The following FCSK variants were observed in gnomAD, a reference collection of about 807,000 sequenced individuals.
The protein encoded by FCSK is fucose kinase, also known as L-fucose kinase.
In FCSK, 123 loss-of-function variants were observed where a neutral mutation model predicts 122.5. The observed-to-expected ratio is 1.00, with a 90% confidence interval of 0.87 to 1.17. The LOEUF is 1.17. Ranked by LOEUF, FCSK falls within the 50% of genes most tolerant of loss-of-function variation. FCSK has a pLI of 0.00. For missense variants in FCSK, 1,366 were observed against 1,450.4 expected, an observed-to-expected ratio of 0.94 and a Z score of 0.95; for synonymous variants, 620 against 625.5, an observed-to-expected ratio of 0.99 and a Z score of 0.13.
chr16:70,478,758 GGC>G, intron 22 of FCSK, 108 bp downstream of exon 22: 2 of 914,418 alleles, frequency 2.2e-6, no homozygotes, highest in Non-Finnish European at 3.5e-6. Flanking sequence ...CCAGATATTC[GGC>G]CTCTGGGAAC....
chr16:70,463,047 T>C lies in FCSK; in HGVS notation c.-22-122T>C, dbSNP rs2048316536. 3 of 584,028 alleles carry C rather than the reference T, an allele frequency of 5.1e-6. No homozygotes were observed. In the South Asian group the frequency reaches 7.2e-5, roughly 14 times the overall value. The allele number at this position is 584,028 out of a possible 1,614,324, so 36.2% of individuals were successfully genotyped here. On this transcript the variant is annotated intron_variant, in intron 1 of 23. Transcript: ENST00000288078. ...TTGCATGAGGAAGTTTTTTTGAGTG[T>C]AGATGGTGATACCAACACGAATCTA...
intron 10 of FCSK, among the ~76,000 whole-genome samples, chr16:70,469,616 C>T (rs866705308): frequency 6.6e-6 from 1 of 152,076 alleles, no homozygotes; most frequent in Admixed American, 6.5e-5. Flanking sequence ...TGAGGTGGTG[C>T]GATCTCAGCT....
At chr16:70,455,677 T>C (rs1376731062) in intron 1 of FCSK, among the ~76,000 whole-genome samples, 1 of 151,220 alleles carries the variant, frequency 6.6e-6, no homozygotes, top group East Asian at 1.9e-4. Flanking sequence ...AGATCACCTA[T>C]GGTCAGGAGT....
At chr16:70,461,385 G>T (rs2048258526) in intron 1 of FCSK, among the ~76,000 whole-genome samples, 1 of 152,028 alleles carries the variant, frequency 6.6e-6, no homozygotes, top group Admixed American at 6.6e-5. Context: ...ACTCCTGGGG[G>T]ACTCGGTCTC....
At chr16:70,455,706 A>T (rs928900681) in intron 1 of FCSK, among the ~76,000 whole-genome samples, 2 of 152,094 alleles carry the variant, frequency 1.3e-5, no homozygotes, top group Non-Finnish European at 2.9e-5. Flanking sequence ...AGCGTGGCCA[A>T]CATGGCAAAA....
At chr16:70,472,946 G>T in intron 14 of FCSK, 37 bp from the exon 15 acceptor site, 1 of 1,570,200 alleles carries the variant, frequency 6.4e-7, no homozygotes, top group East Asian at 2.3e-5. Context: ...TGGAGCTTTT[G>T]CTTCCCTCCT....
In FCSK at chr16:70,474,623, C is replaced by T; in HGVS notation, c.2084C>T (p.Thr695Ile). 1.3e-6 allele frequency: 2 copies of T among 1,589,552 alleles called. No individual in the cohort carries two copies. The highest frequency in any genetic ancestry group is 1.7e-6 in the Non-Finnish European group (2 of 1,168,020). ...AVMSAQHFVSTEQVELPGPGQ... is the reference protein window; with the variant it reads ...AVMSAQHFVSIEQVELPGPGQ... The stretch of plus-strand genomic sequence containing the variant: ...ATGTCAGCCCAGCACTTTGTCTCCA[C>T]AGAGCAGGTGGAACTGCCGGGACCT... The change falls in exon 17 of 24, where the codon ACA becomes ATA. Residue 695 changes from threonine to isoleucine, a missense_variant. By Grantham distance (89) the Thr-to-Ile change is moderately conservative. Coordinates refer to ENST00000288078, the MANE Select transcript of FCSK (RefSeq NM_145059.3).
rs765347276 is a variant in FCSK at position 70,465,221 on chromosome 16, C to G, written c.285+45C>G. 3.4e-5 allele frequency: 54 copies of G among 1,569,980 alleles called. No homozygotes were observed. In the Admixed American group the frequency reaches 9.3e-4, roughly 27 times the overall value. ...GGGGCCAAGCAGAAGGCCAGAATCC[C>G]AGTTCGTGGAGTTGAGCAGGACTTC... is the stretch of plus-strand genomic sequence containing the variant. On this transcript the variant is annotated intron_variant, in intron 4 of 23. Transcript: ENST00000288078.
At chr16:70,456,930 G>T (rs921195233) in intron 1 of FCSK, among the ~76,000 whole-genome samples, 1 of 152,184 alleles carries the variant, frequency 6.6e-6, no homozygotes, top group East Asian at 1.9e-4. Context: ...TGAGGCAGGA[G>T]AATGGCTTGA....
At chr16:70,463,530 A>G (rs952200550) in intron 2 of FCSK, 93 bp from the exon 3 acceptor site, 9 of 1,511,700 alleles carry the variant, frequency 6.0e-6, no homozygotes, top group Non-Finnish European at 7.2e-6. Context: ...AAGTCAAGGA[A>G]GATCAAACAC....
intron 14 of FCSK, 31 bp from the exon 15 acceptor site, chr16:70,472,952 C>A (rs1402778162): frequency 4.4e-6 from 7 of 1,579,810 alleles, no homozygotes; most frequent in East Asian, 2.3e-5. Flanking sequence ...TTTTGCTTCC[C>A]TCCTGGGAAT....
intron 20 of FCSK, among the ~76,000 whole-genome samples, chr16:70,476,589 A>G (rs1233443276): frequency 1.3e-5 from 2 of 151,730 alleles, no homozygotes; most frequent in East Asian, 3.9e-4. Flanking sequence ...GCCAGTGTAG[A>G]GCAGCTACAG....
At chr16:70,478,529 C>G in intron 21 of FCSK, 22 bp from the exon 22 acceptor site, 1 of 1,613,368 alleles carries the variant, frequency 6.2e-7, no homozygotes, top group Non-Finnish European at 8.5e-7. Context: ...CCTCACCACC[C>G]CTTCTCCTGC....
rs764601586 is a variant in FCSK, at chr16:70,467,900, C to T, written c.597C>T (p.Asp199=). The T allele has an allele frequency of 3.1e-6, 5 of 1,614,094 alleles. No individual in the cohort carries two copies. The highest frequency in any genetic ancestry group is 1.1e-5 in the South Asian group (1 of 91,076). Reference sequence around the variant, plus strand: ...CCTGCACATAGGGCCTTGTTTTGGACATTTACTACCAGGGCACTGAGGCAG... The same window carrying T: ...CCTGCACATAGGGCCTTGTTTTGGATATTTACTACCAGGGCACTGAGGCAG... ...YLTDPQGLVL[D]IYYQGTEAEI... is the part of the protein sequence containing the mutation. Residue 199 remains aspartate, a synonymous_variant, in exon 8 of 24, where the codon GAC becomes GAT. Coordinates refer to ENST00000288078, the MANE Select transcript of FCSK (RefSeq NM_145059.3).
At chr16:70,455,570 T>G (rs1336341743) in intron 1 of FCSK, among the ~76,000 whole-genome samples, 1 of 151,152 alleles carries the variant, frequency 6.6e-6, no homozygotes, top group Non-Finnish European at 1.5e-5. Context: ...CTCTTGAGAT[T>G]GTGTAACTCC....
In FCSK at chr16:70,471,248, C is replaced by T; in HGVS notation, c.1237C>T (p.His413Tyr). 6.2e-7 allele frequency: 1 copy of T among 1,610,712 alleles called. No homozygotes were observed. The highest frequency in any genetic ancestry group is 8.5e-7 in the Non-Finnish European group (1 of 1,179,180). ...GGATACAGCCCACTCCAAGGCCCTGCATGGCCGGGAGCTGCGTGACCTTGT... is the reference window on the plus strand; with the variant it reads ...GGATACAGCCCACTCCAAGGCCCTGTATGGCCGGGAGCTGCGTGACCTTGT... The part of the protein sequence containing the change: ...GLDTAHSKAL[H>Y]GRELRDLVLQ... The change falls in exon 13 of 24, where the codon CAT becomes TAT. Residue 413 changes from histidine to tyrosine, a missense_variant. Coordinates refer to ENST00000288078, the MANE Select transcript of FCSK (RefSeq NM_145059.3).
chr16:70,474,656 G>T lies in FCSK; in HGVS notation c.2117G>T (p.Trp706Leu). ...GTGGAACTGCCGGGACCTGGGCAGT[G>T]GGTGGTGGCTGAGTGCCCGGCCCGT... ...EQVELPGPGQ[W>L]VVAECPARVD... Residue 706 changes from tryptophan to leucine, a missense_variant, in exon 17 of 24, where the codon TGG (tryptophan) becomes TTG (leucine). Coordinates refer to ENST00000288078, the MANE Select transcript of FCSK (RefSeq NM_145059.3). 6.2e-7 allele frequency: 1 copy of T among 1,601,504 alleles called. No individual in the cohort carries two copies. The highest frequency in any genetic ancestry group is 8.5e-7 in the Non-Finnish European group (1 of 1,174,644).
chr16:70,465,097 C>T (rs1473798003), intron 3 of FCSK, 29 bp from the exon 4 acceptor site: 1 of 1,612,960 alleles, frequency 6.2e-7, no homozygotes, highest in East Asian at 2.2e-5. Flanking sequence ...CCTGAGGCCT[C>T]TGTTCACAGG....
In FCSK at chr16:70,466,890, G is replaced by A. The variant is rs748200176; in HGVS notation, c.420G>A (p.Pro140=). 34 of 1,613,390 alleles carry A rather than the reference G, an allele frequency of 2.1e-5. No homozygotes were observed. The highest frequency in any genetic ancestry group is 9.3e-5 in the African/African-American group (7 of 74,928). Residue 140 remains proline (P), a synonymous_variant, in exon 6 of 24, where the codon CCG becomes CCA. Coordinates refer to ENST00000288078, the MANE Select transcript of FCSK (RefSeq NM_145059.3). ...TCTCCTTCCCCCCACAGCTGGGCCC[G>A]GGCTCCCCGCCAGGCGTGTGGGTCT... ...LLDIMTYRLG[P]GSPPGVWVCS...
Sources: gnomAD v4.1 joint callset for allele counts (sites outside exome capture counted in the v4.1 genomes callset) on GRCh38, gnomAD v4.1.1 for gene constraint, MANE v1.5 for transcripts, NCBI Gene and HGNC (gene_info 2026-07-23, HGNC 2026-07-21) for gene names.